XRCC5: variants seen among roughly 807,000 people sequenced by gnomAD.
The protein encoded by XRCC5 is X-ray repair cross complementing 5.
XRCC5 carries 12 observed loss-of-function variants against 95.7 expected under a neutral mutation model. The observed-to-expected ratio is 0.13, with a 90% CI of 0.08 to 0.20. XRCC5 has a LOEUF of 0.20. XRCC5 is among the 10% of genes least tolerant of loss of function. The probability of loss-of-function intolerance (pLI) is 1.00; values close to 1 mark genes in which losing one functional copy is unlikely to be tolerated. For synonymous variants in XRCC5, 281 were observed against 290.3 expected, an observed-to-expected ratio of 0.97 and a Z score of 0.33; for missense variants, 595 against 873.9, an observed-to-expected ratio of 0.68 and a Z score of 4.02.
intron 19 of XRCC5, among the ~76,000 whole-genome samples, chr2:216,200,108 T>C (rs887683023): frequency 3.9e-5 from 6 of 152,226 alleles, no homozygotes; most frequent in South Asian, 4.1e-4. Flanking sequence ...GCCAGCAGAA[T>C]TGACTGGAAT....
rs771445190 is a variant in XRCC5, at chr2:216,162,030, A to G, written c.1816A>G (p.Lys606Glu). The G allele has an allele frequency of 3.7e-6, 6 of 1,614,062 alleles. No individual in the cohort carries two copies. Among genetic ancestry groups the G allele is most frequent in the East Asian group, 2.2e-5 (1 of 44,892 alleles). The change falls in exon 16 of 21, where the codon AAG (lysine) becomes GAG (glutamate). Residue 606 changes from lysine to glutamate, a missense_variant. By Grantham distance (56) the Lys-to-Glu change is moderately conservative. Transcript: ENST00000392132. ...CTTCCGTGTTCTAGTGAAACAGAAG[A>G]AGGCCAGCTTTGAGGAAGGTGAGTG... ...ENFRVLVKQKKASFEEASNQL... is the reference protein window; with the variant it reads ...ENFRVLVKQKEASFEEASNQL...
chr2:216,161,953 G>A, intron 15 of XRCC5, 26 bp from the exon 16 acceptor site: 2 of 1,607,524 alleles, frequency 1.2e-6, no homozygotes, highest in Non-Finnish European at 1.7e-6. Flanking sequence ...TAACCTGTAG[G>A]TTTATCATCT....
chr2:216,114,468 C>T (rs569944514), intron 2 of XRCC5, among the ~76,000 whole-genome samples: 1 of 151,958 alleles, frequency 6.6e-6, no homozygotes, highest in East Asian at 1.9e-4. Flanking sequence ...TGGCTGTCCC[C>T]TGGTATGCTG....
intron 16 of XRCC5, among the ~76,000 whole-genome samples, chr2:216,181,801 C>T (rs1689394272): frequency 6.6e-6 from 1 of 152,142 alleles, no homozygotes; most frequent in Non-Finnish European, 1.5e-5. Context: ...TTCTCTGGTT[C>T]TTTGGATCAA....
intron 9 of XRCC5, among the ~76,000 whole-genome samples, chr2:216,132,066 T>C (rs907384145): frequency 1.3e-5 from 2 of 152,236 alleles, no homozygotes; most frequent in African/African-American, 4.8e-5. Flanking sequence ...TAATTTCATA[T>C]TTATCTATTG....
At chr2:216,138,053 A>G (rs765247028) in intron 11 of XRCC5, 36 bp from the exon 12 acceptor site, 1 of 1,516,428 alleles carries the variant, frequency 6.6e-7, no homozygotes. Flanking sequence ...CATTAATTTC[A>G]TCGTTTCTGC....
rs764581950 is a variant in XRCC5, at chr2:216,113,051, C to T, written c.57C>T (p.Thr19=). 56 of 1,614,080 alleles carry T rather than the reference C, an allele frequency of 3.5e-5. No individual in the cohort carries two copies. In the Middle Eastern group the frequency reaches 6.6e-4, roughly 19 times the overall value. Residue 19 remains threonine (T), a synonymous_variant, in exon 2 of 21, where the codon ACC becomes ACT. Transcript: ENST00000392132. ...TGCTGTGTATGGACGTGGGCTTTAC[C>T]ATGAGTAACTCCATTCCTGGTATAG... The part of the protein sequence containing the change: ...AVVLCMDVGF[T]MSNSIPGIES...
intron 16 of XRCC5, among the ~76,000 whole-genome samples, chr2:216,172,465 TTTTC>T (rs1332223540): frequency 5.1e-5 from 6 of 118,038 alleles, no homozygotes; most frequent in Non-Finnish European, 1.0e-4. Context: ...TCAGCTTTTC[TTTTC>T]TTTTTTTTTT....
intron 16 of XRCC5, among the ~76,000 whole-genome samples, chr2:216,178,478 C>T (rs1689319020): frequency 6.7e-6 from 1 of 148,294 alleles, no homozygotes; most frequent in Non-Finnish European, 1.5e-5. Flanking sequence ...GGGATATAGT[C>T]AGAGACAGTA....
At chr2:216,125,106 TAATG>T (rs1182345058) in intron 6 of XRCC5, among the ~76,000 whole-genome samples, 1 of 152,178 alleles carries the variant, frequency 6.6e-6, no homozygotes, top group African/African-American at 2.4e-5. Flanking sequence ...GAATTGGAAT[TAATG>T]AATTATAGAG....
chr2:216,112,967 T>A (rs745918127), intron 1 of XRCC5, 49 bp from the exon 2 acceptor site: 1 of 1,452,448 alleles, frequency 6.9e-7, no homozygotes, highest in African/African-American at 1.4e-5. Flanking sequence ...TCTTACAGTC[T>A]TTTCTTACGA....
At position 216,141,098 on chromosome 2, in the gene XRCC5, A is replaced by G. The variant is rs549280071; in HGVS notation, c.1343-88A>G. 7.9e-6 allele frequency: 12 copies of G among 1,516,076 alleles called. No homozygotes were observed. The East Asian group carries it at 2.7e-4, about 34-fold the overall frequency. The allele number at this position is 1,516,076 out of a possible 1,614,324, so 93.9% of individuals were successfully genotyped here. On this transcript the variant is annotated intron_variant, in intron 12 of 20. Transcript: ENST00000392132. Reference sequence around the variant, plus strand: ...GGCCAGGACTGTATAACCTGCCAATATTGCCGTGGATATCTCTACGTAGAA... The same window carrying G: ...GGCCAGGACTGTATAACCTGCCAATGTTGCCGTGGATATCTCTACGTAGAA...
Position 216,116,751 on chromosome 2 carries a change from C to T in XRCC5, c.228C>T (p.Asn76=). The change falls in exon 3 of 21, where the codon AAC becomes AAT. Residue 76 remains asparagine, a synonymous_variant. Transcript: ENST00000392132. ...NPLSGGDQYQ[N]ITVHRHLMLP... is the part of the protein sequence containing the mutation. ...TTTCTGGTGGGGATCAGTATCAGAA[C>T]ATCACAGTGCACAGACATCTGATGC... 6.2e-7 allele frequency: 1 copy of T among 1,614,212 alleles called. No individual in the cohort carries two copies. The highest frequency in any genetic ancestry group is 8.5e-7 in the Non-Finnish European group (1 of 1,180,034).
chr2:216,144,036 C>CCCT (rs1697213224), intron 13 of XRCC5, among the ~76,000 whole-genome samples: 1 of 151,988 alleles, frequency 6.6e-6, no homozygotes, highest in Non-Finnish European at 1.5e-5. Flanking sequence ...TTTTATGGAC[C>CCCT]CCTCTAGAAG....
At chr2:216,180,797 T>G (rs1333038904) in intron 16 of XRCC5, among the ~76,000 whole-genome samples, 1 of 151,678 alleles carries the variant, frequency 6.6e-6, no homozygotes, top group Non-Finnish European at 1.5e-5. Flanking sequence ...AACTGTTGTT[T>G]TGCCCCTTGA....
At chr2:216,173,694 A>G (rs1287816403) in intron 16 of XRCC5, among the ~76,000 whole-genome samples, 1 of 152,204 alleles carries the variant, frequency 6.6e-6, no homozygotes, top group Non-Finnish European at 1.5e-5. Context: ...TTAAGAAGTA[A>G]TTAGGTCATG....
intron 16 of XRCC5, among the ~76,000 whole-genome samples, chr2:216,179,308 C>CA (rs1689338350): frequency 6.6e-6 from 1 of 152,156 alleles, no homozygotes; most frequent in African/African-American, 2.4e-5. Context: ...ATAAGGATGT[C>CA]AGTCCTATTG....
At chr2:216,125,180 GTTCTTTTTTTTTTCCTTTT>G (rs1314120405) in intron 6 of XRCC5, among the ~76,000 whole-genome samples, 2 of 150,192 alleles carry the variant, frequency 1.3e-5, no homozygotes, top group Admixed American at 6.6e-5. Context: ...TAGAACAGAG[GTTCTTTTTTTTTTCCTTTT>G]TTCTTTTTTT....
intron 6 of XRCC5, among the ~76,000 whole-genome samples, chr2:216,124,403 T>C (rs828700): frequency 0.42 from 64,584 of 152,032 alleles, 15,488 homozygotes; most frequent in Non-Finnish European, 0.56. Context: ...TGCGACACCA[T>C]GCCCAGCTAC....
Sources: gnomAD v4.1 joint callset for allele counts (sites outside exome capture counted in the v4.1 genomes callset) on GRCh38, gnomAD v4.1.1 for gene constraint, MANE v1.5 for transcripts, NCBI Gene and HGNC (gene_info 2026-07-23, HGNC 2026-07-21) for gene names.